The following DAB1 variants were observed in gnomAD, a reference collection of about 807,000 sequenced individuals.
DAB1 encodes DAB adaptor protein 1.
A neutral mutation model predicts 64.6 loss-of-function variants in DAB1; 15 were observed. The observed-to-expected ratio is 0.23, with a 90% confidence interval of 0.16 to 0.36. DAB1 has a LOEUF of 0.36. Ranked by LOEUF, DAB1 falls within the 10% of genes least tolerant of loss-of-function variation. The probability of loss-of-function intolerance (pLI) is 1.00; values close to 1 mark genes in which losing one functional copy is unlikely to be tolerated. For synonymous variants in DAB1, 235 were observed against 251.9 expected (o/e 0.93, Z 0.64); for missense variants, 596 against 706.7 (o/e 0.84, Z 1.78).
At chr1:57,144,195 A>G (rs980974537) in intron 3 of DAB1, among the ~76,000 whole-genome samples, 44 of 152,138 alleles carry the variant, frequency 2.9e-4, no homozygotes, top group African/African-American at 9.9e-4. Context: ...TAATGCACAT[A>G]AGTGAACTCT....
intron 1 of DAB1, among the ~76,000 whole-genome samples, chr1:57,873,184 A>G (rs928840224): frequency 6.6e-6 from 1 of 152,154 alleles, no homozygotes; most frequent in African/African-American, 2.4e-5. Flanking sequence ...TGACTGAAAA[A>G]TCTCTTAATA....
At chr1:58,284,318 C>G (rs1432931589) in intron 4 of DAB1, among the ~76,000 whole-genome samples, 1 of 152,230 alleles carries the variant, frequency 6.6e-6, no homozygotes, top group East Asian at 1.9e-4. Context: ...GCTCTGTTAA[C>G]CCTTTCCAGC....
chr1:58,136,968 T>C (rs558003292), intron 5 of DAB1, among the ~76,000 whole-genome samples: 48 of 152,228 alleles, frequency 3.2e-4, no homozygotes, highest in African/African-American at 1.1e-3. Flanking sequence ...TAAAGAATCA[T>C]TGTTGCCCCC....
intron 6 of DAB1, among the ~76,000 whole-genome samples, chr1:57,774,164 A>C (rs1575509): frequency 0.17 from 26,423 of 151,784 alleles, 2,988 homozygotes; most frequent in Admixed American, 0.29. Flanking sequence ...TCAAATCTTA[A>C]AATTTCAGCA....
intron 1 of DAB1, among the ~76,000 whole-genome samples, chr1:57,414,123 A>G (rs1381936408): frequency 6.6e-6 from 1 of 152,242 alleles, no homozygotes; most frequent in Non-Finnish European, 1.5e-5. Context: ...TTATTGATAA[A>G]GCAGTGTCAG....
intron 5 of DAB1, among the ~76,000 whole-genome samples, chr1:57,983,521 A>G (rs1252669328): frequency 3.3e-5 from 5 of 152,134 alleles, no homozygotes; most frequent in Non-Finnish European, 7.4e-5. Context: ...ATGAATGCTA[A>G]ATAGCTCTCC....
rs145885027 is a variant in DAB1 at position 57,017,121 on chromosome 1, G to A, written c.896-1690C>T. Among the ~76,000 whole-genome samples, 872 of 152,132 alleles carry A rather than the reference G, an allele frequency of 5.7e-3. 4 individuals are homozygous for A. The highest frequency in any genetic ancestry group is 8.0e-3 in the Non-Finnish European group (546 of 67,998). ...TTCTATTTGATTGTATTAGAATACT[G>A]CAGGCCTGCAGGAAACTCCCATGTG... On this transcript the variant is annotated intron_variant, in intron 11 of 14. Transcript: ENST00000371236.
chr1:57,379,835 A>T (rs34374446), intron 1 of DAB1, among the ~76,000 whole-genome samples: 3,021 of 152,322 alleles, frequency 0.02, 38 homozygotes, highest in South Asian at 0.025. Flanking sequence ...ATGAAGAAGA[A>T]GATCAAGGGC....
chr1:58,415,971 G>A (rs913054672), intron 3 of DAB1, among the ~76,000 whole-genome samples: 1 of 152,204 alleles, frequency 6.6e-6, no homozygotes, highest in African/African-American at 2.4e-5. Context: ...CACGAGTGAT[G>A]TGCTTAGAAC....
rs115053916 is a variant in DAB1, at chr1:58,248,520, G to A, written n.309+94832C>T. Among the ~76,000 whole-genome samples, 613 of 152,134 alleles carry A rather than the reference G, an allele frequency of 4.0e-3. 4 individuals carry two copies. The highest frequency in any genetic ancestry group is 0.014 in the African/African-American group (579 of 41,494). ...TGTTGCAAAAATCCCTCTGCCCTGG[G>A]AACACCTCTAGATTTTGAACAGAAT... On this transcript the variant is annotated intron_variant and non_coding_transcript_variant, in intron 4 of 20. Coordinates refer to the DAB1 transcript ENST00000485760.
Position 57,206,967 on chromosome 1 carries a change from CCT to C in DAB1, c.68-61540_68-61539del, listed in dbSNP as rs1491166039. Among the ~76,000 whole-genome samples the C allele has an allele frequency of 7.1e-5, 7 of 98,500 alleles. No individual in the cohort carries two copies. In the East Asian group the frequency reaches 1.7e-3, roughly 24 times the overall value. The allele number at this position is 98,500 out of a possible 152,430, so 64.6% of individuals were successfully genotyped here. ...TCTCTTTCTCTTTCTTTCCTTCCTT[CCT>C]TTTTTTTTTTTTTTTTTTTTTGGAG... On this transcript the variant is annotated intron_variant, in intron 2 of 14. Coordinates refer to ENST00000371236, the MANE Select transcript of DAB1 (RefSeq NM_001365792.1).
intron 7 of DAB1, among the ~76,000 whole-genome samples, chr1:57,602,429 T>A (rs969868042): frequency 1.3e-5 from 2 of 152,206 alleles, no homozygotes; most frequent in African/African-American, 4.8e-5. Context: ...AGTCACTGAC[T>A]CATTTTCCTC....
chr1:57,683,126 C>T (rs574626005), intron 6 of DAB1, among the ~76,000 whole-genome samples: 1 of 152,264 alleles, frequency 6.6e-6, no homozygotes, highest in African/African-American at 2.4e-5. Context: ...AGATCTGTGG[C>T]CCGCATTTGA....
chr1:57,394,968 A>G (rs1049574445), intron 1 of DAB1, among the ~76,000 whole-genome samples: 3 of 152,220 alleles, frequency 2.0e-5, no homozygotes, highest in Non-Finnish European at 2.9e-5. Context: ...ATCATTAAAA[A>G]TTGGTTGTTT....
intron 7 of DAB1, among the ~76,000 whole-genome samples, chr1:57,632,079 A>C (rs1421240848): frequency 6.6e-6 from 1 of 152,208 alleles, no homozygotes; most frequent in East Asian, 1.9e-4. Flanking sequence ...GGTATATGGG[A>C]TTTAGGGAGG....
intron 7 of DAB1, among the ~76,000 whole-genome samples, chr1:57,561,090 G>A (rs1198588783): frequency 2.0e-5 from 3 of 152,172 alleles, no homozygotes; most frequent in Non-Finnish European, 4.4e-5. Context: ...AGTTACATGA[G>A]GAAGTGGCTC....
intron 5 of DAB1, among the ~76,000 whole-genome samples, chr1:58,121,568 A>T (rs1652738655): frequency 6.6e-6 from 1 of 151,522 alleles, no homozygotes; most frequent in Non-Finnish European, 1.5e-5. Context: ...TACACCCCTC[A>T]CTCTTTCTTA....
chr1:57,789,868 G>C (rs879698785), intron 6 of DAB1, among the ~76,000 whole-genome samples: 6 of 152,310 alleles, frequency 3.9e-5, no homozygotes, highest in Non-Finnish European at 7.4e-5. Context: ...TTTCTTGTCA[G>C]GAAAGGATTC....
chr1:58,233,592 A>C (rs1357072554), intron 4 of DAB1, among the ~76,000 whole-genome samples: 1 of 152,188 alleles, frequency 6.6e-6, no homozygotes, highest in Non-Finnish European at 1.5e-5. Context: ...TCTCCAATAC[A>C]AAGTATTTAC....
Sources: allele counts gnomAD v4.1 joint callset (sites outside exome capture counted in the v4.1 genomes callset), GRCh38; gene constraint gnomAD v4.1.1; transcripts MANE v1.5; gene names NCBI Gene and HGNC (gene_info 2026-07-23, HGNC 2026-07-21).